NFILZ: variants seen among roughly 807,000 people sequenced by gnomAD.
The protein encoded by NFILZ is NFIL3 like protein.
At chr19:8,641,702 C>T (rs1237871517) in intron 3 of NFILZ, among the ~76,000 whole-genome samples, 1 of 152,230 alleles carries the variant, frequency 6.6e-6, no homozygotes, top group African/African-American at 2.4e-5. Context: ...GAGATGTCTT[C>T]TCTCTGTGCC....
intron 3 of NFILZ, among the ~76,000 whole-genome samples, chr19:8,671,025 G>A (rs2043084419): frequency 6.6e-6 from 1 of 151,158 alleles, no homozygotes; most frequent in South Asian, 2.1e-4. Context: ...TTCCAGACAT[G>A]GGAACCTCTT....
At chr19:8,650,180 T>G (rs1342430888) in intron 3 of NFILZ, among the ~76,000 whole-genome samples, 10 of 151,854 alleles carry the variant, frequency 6.6e-5, no homozygotes, top group Non-Finnish European at 8.8e-5. Flanking sequence ...TTTGTGGTTG[T>G]TTGTTTTGAT....
At chr19:8,634,840 A>G (rs1444413785) in intron 2 of NFILZ, among the ~76,000 whole-genome samples, 1 of 152,108 alleles carries the variant, frequency 6.6e-6, no homozygotes, top group Non-Finnish European at 1.5e-5. Flanking sequence ...AGATGGCCCC[A>G]CTGCACTTTA....
intron 3 of NFILZ, among the ~76,000 whole-genome samples, chr19:8,669,427 C>T (rs1399171954): frequency 6.6e-6 from 1 of 152,264 alleles, no homozygotes; most frequent in Non-Finnish European, 1.5e-5. Context: ...CTGACTTGCC[C>T]AGGCACACTT....
At chr19:8,631,704 G>A (rs528202812) in intron 1 of NFILZ, among the ~76,000 whole-genome samples, 7 of 152,218 alleles carry the variant, frequency 4.6e-5, no homozygotes, top group Admixed American at 2.0e-4. Flanking sequence ...GCCCCTTTGT[G>A]CGGCGGCTCC....
intron 3 of NFILZ, among the ~76,000 whole-genome samples, chr19:8,656,258 C>A (rs2042993068): frequency 7.2e-6 from 1 of 138,012 alleles, no homozygotes; most frequent in Non-Finnish European, 1.6e-5. Flanking sequence ...CCACGCAGCC[C>A]ATCTTCTCTC....
chr19:8,654,157 A>T (rs931336464), intron 3 of NFILZ, among the ~76,000 whole-genome samples: 1 of 152,044 alleles, frequency 6.6e-6, no homozygotes, highest in Non-Finnish European at 1.5e-5. Flanking sequence ...ACTTGAACCT[A>T]GGTGGTGGAG....
At chr19:8,644,655 G>A (rs1450711471) in intron 3 of NFILZ, among the ~76,000 whole-genome samples, 2 of 151,122 alleles carry the variant, frequency 1.3e-5, no homozygotes, top group Non-Finnish European at 3.0e-5. Context: ...TGTAGAGATG[G>A]GGGTCTTACC....
At chr19:8,667,043 C>T (rs973253881) in intron 3 of NFILZ, among the ~76,000 whole-genome samples, 10 of 151,936 alleles carry the variant, frequency 6.6e-5, no homozygotes, top group Non-Finnish European at 1.5e-4. Context: ...AGCCACCTCG[C>T]TCGGCTGTTG....
intron 4 of NFILZ, among the ~76,000 whole-genome samples, chr19:8,675,758 A>G (rs1340453769): frequency 6.6e-6 from 1 of 152,202 alleles, no homozygotes; most frequent in African/African-American, 2.4e-5. Flanking sequence ...CAGTCAGACC[A>G]TGCCTCTAAA....
rs1568420420 is a variant in NFILZ at position 8,653,002 on chromosome 19, TCCTTCCTTC to T, written c.-164+17258_-164+17266del. Among the ~76,000 whole-genome samples, 233 of 29,142 alleles carry T rather than the reference TCCTTCCTTC, an allele frequency of 8.0e-3. 2 individuals carry two copies. Among genetic ancestry groups the T allele is most frequent in the African/African-American group, 0.028 (220 of 7,996 alleles). 19.1% of individuals were successfully genotyped at this position (29,142 alleles called of 152,430 possible). A position where few individuals can be genotyped will look rare whatever the true frequency, so the allele number is the denominator to read the frequency against. On this transcript the variant is annotated intron_variant, in intron 3 of 5. Transcript: ENST00000691075. ...TTCCTTCCTTCCTTCCTTCCTTCCTTCCTTCCTTCCTTTCTTTCTTTCTTTCTTTCTTTC... is the reference window on the plus strand; with the variant it reads ...TTCCTTCCTTCCTTCCTTCCTTCCTTCTTTCTTTCTTTCTTTCTTTCTTTC...
At position 8,678,503 on chromosome 19, in the gene NFILZ, T is replaced by A. The variant is rs532551752; in HGVS notation, c.*868T>A. On this transcript the variant is annotated 3_prime_UTR_variant, in exon 6 of 6. Coordinates refer to ENST00000691075, the MANE Select transcript of NFILZ (RefSeq NM_001378600.1). Reference sequence around the variant, plus strand: ...TTTCTTGCTTCTATCCATTTTCCCATCCACACACCTATCCATTCATCCATT... The same window carrying A: ...TTTCTTGCTTCTATCCATTTTCCCAACCACACACCTATCCATTCATCCATT... Among the ~76,000 whole-genome samples, 1 of 150,414 alleles carries A rather than the reference T, an allele frequency of 6.6e-6. No individual in the cohort carries two copies. Among genetic ancestry groups the A allele is most frequent in the South Asian group, 2.1e-4 (1 of 4,674 alleles).
intron 2 of NFILZ, among the ~76,000 whole-genome samples, chr19:8,633,661 C>T (rs2042880580): frequency 6.6e-6 from 1 of 152,102 alleles, no homozygotes; most frequent in Non-Finnish European, 1.5e-5. Context: ...AGGATGGTTT[C>T]CTGCCTCCCT....
At chr19:8,666,347 T>TG in intron 3 of NFILZ, among the ~76,000 whole-genome samples, 1 of 151,508 alleles carries the variant, frequency 6.6e-6, no homozygotes, top group South Asian at 2.1e-4. Context: ...TTTTTTTTTT[T>TG]GATTTTTTTG....
At position 8,680,326 on chromosome 19, in the gene NFILZ, CATTT is replaced by C. The variant is rs1328687626; in HGVS notation, c.*2692_*2695del. Among the ~76,000 whole-genome samples, 4 of 130,358 alleles carry C rather than the reference CATTT, an allele frequency of 3.1e-5. No homozygotes were observed. Among genetic ancestry groups the C allele is most frequent in the Non-Finnish European group, 6.2e-5 (4 of 64,218 alleles). 85.5% of individuals were successfully genotyped at this position (130,358 alleles called of 152,430 possible). On this transcript the variant is annotated 3_prime_UTR_variant, in exon 6 of 6. Transcript: ENST00000691075. ...TCATTCATTCATTCATTCATTCATT[CATTT>C]TTTAATTCATTTGCTTATTTAGCAA...
At chr19:8,636,158 T>G (rs771476790) in intron 3 of NFILZ, among the ~76,000 whole-genome samples, 2 of 151,640 alleles carry the variant, frequency 1.3e-5, no homozygotes, top group Non-Finnish European at 2.9e-5. Flanking sequence ...TTTAAAAAAA[T>G]TTTATTTTCG....
In NFILZ at chr19:8,656,495, C is replaced by CTCTGAAACCCACCTCTTT. The variant is rs1171486642; in HGVS notation, c.-163-18056_-163-18055insTCTGAAACCCACCTCTTT. On this transcript the variant is annotated intron_variant, in intron 3 of 5. Coordinates refer to ENST00000691075, the MANE Select transcript of NFILZ (RefSeq NM_001378600.1). ...CACCTTCTCCCGCAGCCCACCTTCT[C>CTCTGAAACCCACCTCTTT]CCGCAGCCCACCTTCTCCTGCAGCC... Among the ~76,000 whole-genome samples, 286 of 104,512 alleles carry CTCTGAAACCCACCTCTTT rather than the reference C, an allele frequency of 2.7e-3. 33 individuals carry two copies. Among genetic ancestry groups the CTCTGAAACCCACCTCTTT allele is most frequent in the African/African-American group, 6.9e-3 (174 of 25,378 alleles). 68.6% of individuals were successfully genotyped at this position (104,512 alleles called of 152,430 possible). A position where few individuals can be genotyped will look rare whatever the true frequency, so the allele number is the denominator to read the frequency against.
intron 3 of NFILZ, among the ~76,000 whole-genome samples, chr19:8,671,036 G>A (rs529738682): frequency 8.0e-5 from 12 of 150,224 alleles, no homozygotes; most frequent in African/African-American, 2.9e-4. Context: ...GGAACCTCTT[G>A]AACACATGAG....
chr19:8,656,497 C>CT (rs1246521049), intron 3 of NFILZ, among the ~76,000 whole-genome samples: 1,271 of 67,844 alleles, frequency 0.019, 167 homozygotes, highest in African/African-American at 0.062. Context: ...CACCTTCTCC[C>CT]GCAGCCCACC....
Sources: allele counts gnomAD v4.1 joint callset (sites outside exome capture counted in the v4.1 genomes callset), GRCh38; gene constraint gnomAD v4.1.1; transcripts MANE v1.5; gene names NCBI Gene and HGNC (gene_info 2026-07-23, HGNC 2026-07-21).